The following COL25A1 variants were observed in gnomAD, a reference collection of about 807,000 sequenced individuals.
The protein encoded by COL25A1 is collagen type XXV alpha 1 chain, also known as collagen alpha-1(XXV) chain.
A neutral mutation model predicts 128.4 loss-of-function variants in COL25A1; 103 were observed. The ratio of observed to expected loss-of-function variants is 0.80; its 90% CI spans 0.68 to 0.94. The LOEUF is 0.94. COL25A1 is among the 40% of genes least tolerant of loss of function. The pLI is 0.00. For missense variants in COL25A1, 745 were observed against 840.0 expected, an observed-to-expected ratio of 0.89 and a Z score of 1.40; for synonymous variants, 279 against 277.2, an observed-to-expected ratio of 1.01 and a Z score of -0.06.
At chr4:108,834,163 C>T (rs935957342) in intron 31 of COL25A1, among the ~76,000 whole-genome samples, 1 of 152,172 alleles carries the variant, frequency 6.6e-6, no homozygotes, top group Admixed American at 6.6e-5. Context: ...AGCTGTTCTC[C>T]GGACAGAGTT....
In COL25A1 at chr4:108,832,435, TA is replaced by T. The variant is rs760493024; in HGVS notation, c.1657-3del. On this transcript the variant is annotated splice_region_variant and splice_polypyrimidine_tract_variant and intron_variant, in intron 31 of 37. Coordinates refer to ENST00000399132, the MANE Select transcript of COL25A1 (RefSeq NM_198721.4). Reference sequence around the variant, plus strand: ...GGGTCCCATAGGACCATCTGTACCCTAAAAAAAAGATAATATGAGATATATC... The same window carrying T: ...GGGTCCCATAGGACCATCTGTACCCTAAAAAAAGATAATATGAGATATATC... 9.6e-5 allele frequency: 152 copies of T among 1,586,440 alleles called. No individual in the cohort carries two copies. Among genetic ancestry groups the T allele is most frequent in the Admixed American group, 2.8e-4 (16 of 56,654 alleles).
chr4:109,175,858 TTTTCTAG>T (rs1473524362), intron 3 of COL25A1, among the ~76,000 whole-genome samples: 1 of 152,244 alleles, frequency 6.6e-6, no homozygotes, highest in Non-Finnish European at 1.5e-5. Flanking sequence ...GGTATTGGTA[TTTTCTAG>T]TTCATTTAAA....
rs139170639 is a variant in COL25A1, at chr4:109,221,097, A to G, written c.367+79486T>C. Among the ~76,000 whole-genome samples, 706 of 152,034 alleles carry G rather than the reference A, an allele frequency of 4.6e-3. 1 individual carries two copies. The highest frequency in any genetic ancestry group is 7.7e-3 in the Non-Finnish European group (526 of 67,954). On this transcript the variant is annotated intron_variant, in intron 3 of 37. Transcript: ENST00000399132. Reference sequence around the variant, plus strand: ...ATTTAGTACTTAATATGCATAAGATATTAATAATATGCATAAGATATTAAG... The same window carrying G: ...ATTTAGTACTTAATATGCATAAGATGTTAATAATATGCATAAGATATTAAG...
At chr4:109,047,900 T>A (rs1214612022) in intron 5 of COL25A1, among the ~76,000 whole-genome samples, 3 of 151,890 alleles carry the variant, frequency 2.0e-5, no homozygotes, top group Non-Finnish European at 4.4e-5. Flanking sequence ...GTCCAGCTAA[T>A]TTTTTGTATT....
intron 3 of COL25A1, among the ~76,000 whole-genome samples, chr4:109,136,770 TTGCA>T (rs1258504897): frequency 1.3e-5 from 2 of 152,266 alleles, no homozygotes; most frequent in Non-Finnish European, 2.9e-5. Context: ...TCGTCAGCCC[TTGCA>T]TGTGGATCAC....
At chr4:108,815,171 T>C (rs1037929444) in intron 37 of COL25A1, among the ~76,000 whole-genome samples, 2 of 152,182 alleles carry the variant, frequency 1.3e-5, no homozygotes, top group African/African-American at 2.4e-5. Context: ...GTTTTGCATA[T>C]ATAAATCATT....
chr4:109,218,134 T>C (rs913769861), intron 3 of COL25A1, among the ~76,000 whole-genome samples: 2 of 152,184 alleles, frequency 1.3e-5, no homozygotes, highest in African/African-American at 4.8e-5. Context: ...CTGACAGTAC[T>C]ATAAGTCATA....
intron 3 of COL25A1, among the ~76,000 whole-genome samples, chr4:109,289,341 A>G (rs1724234658): frequency 1.3e-5 from 2 of 152,128 alleles, no homozygotes; most frequent in African/African-American, 2.4e-5. Context: ...TGAACTGGTT[A>G]TAACACCTTA....
At chr4:109,056,962 C>T (rs572495505) in intron 3 of COL25A1, among the ~76,000 whole-genome samples, 12 of 152,158 alleles carry the variant, frequency 7.9e-5, no homozygotes, top group Non-Finnish European at 1.3e-4. Flanking sequence ...TGGGCTCAAG[C>T]GATCCTCCCA....
Position 108,922,767 on chromosome 4 carries a change from C to T in COL25A1, c.709-2163G>A, listed in dbSNP as rs1000449656. ...CTTTACTGTTAGGAAACTACTGCTA[C>T]GTCTGGTAACCTCTAAAAATAAAAG... On this transcript the variant is annotated intron_variant, in intron 11 of 37. Transcript: ENST00000399132. Among the ~76,000 whole-genome samples the T allele has an allele frequency of 3.0e-4, 45 of 152,110 alleles. 1 individual carries two copies. The highest frequency in any genetic ancestry group is 1.8e-4 in the Non-Finnish European group (12 of 68,024).
At chr4:108,966,354 C>T (rs1158256522) in intron 8 of COL25A1, among the ~76,000 whole-genome samples, 2 of 152,028 alleles carry the variant, frequency 1.3e-5, no homozygotes. Context: ...GCTTGTGTTC[C>T]CCAGCTTTTT....
chr4:108,874,874 C>A (rs62314576), intron 19 of COL25A1, among the ~76,000 whole-genome samples: 76,005 of 152,002 alleles, frequency 0.5, 21,026 homozygotes, highest in East Asian at 0.93. Flanking sequence ...TTACTTTAAT[C>A]CGTTTTTTTT....
chr4:109,212,962 T>G (rs895158437), intron 3 of COL25A1, among the ~76,000 whole-genome samples: 5 of 152,154 alleles, frequency 3.3e-5, no homozygotes, highest in African/African-American at 9.7e-5. Context: ...GAGAAATATT[T>G]GCTTTTCATA....
At chr4:108,874,696 GT>G (rs1161499723) in intron 19 of COL25A1, among the ~76,000 whole-genome samples, 1 of 152,102 alleles carries the variant, frequency 6.6e-6, no homozygotes, top group Non-Finnish European at 1.5e-5. Flanking sequence ...TTCTGAAAGT[GT>G]TTATCTTTAA....
chr4:109,042,771 C>T (rs989647483), intron 5 of COL25A1, among the ~76,000 whole-genome samples: 2 of 152,020 alleles, frequency 1.3e-5, no homozygotes, highest in African/African-American at 4.8e-5. Flanking sequence ...GTTTTCTTAA[C>T]TCAAGAGGCA....
At chr4:109,150,161 G>A (rs1425653041) in intron 3 of COL25A1, among the ~76,000 whole-genome samples, 1 of 152,004 alleles carries the variant, frequency 6.6e-6, no homozygotes, top group African/African-American at 2.4e-5. Flanking sequence ...GAACAAACTG[G>A]TTGCTATTAT....
intron 3 of COL25A1, among the ~76,000 whole-genome samples, chr4:109,054,489 C>A (rs1761280916): frequency 6.6e-6 from 1 of 152,084 alleles, no homozygotes; most frequent in Non-Finnish European, 1.5e-5. Context: ...CATTTCCGTG[C>A]TATATTACTG....
rs564834752 is a variant in COL25A1 at position 109,093,457 on chromosome 4, G to GAAAA, written c.368-43282_368-43279dup. On this transcript the variant is annotated intron_variant, in intron 3 of 37. Transcript: ENST00000399132. ...CAATACAGCAAGACTCCATCTCTAT[G>GAAAA]AAAAAAAAAAAAAAAAAAACCTTTT... is the stretch of plus-strand genomic sequence containing the variant. 8.7e-3 allele frequency among the ~76,000 whole-genome samples: 607 copies of GAAAA among 69,394 alleles called. 6 individuals carry two copies. The Middle Eastern group carries it at 0.094, about 11-fold the overall frequency. The allele number at this position is 69,394 out of a possible 152,430, so 45.5% of individuals were successfully genotyped here. A position where few individuals can be genotyped will look rare whatever the true frequency, so the allele number is the denominator to read the frequency against.
chr4:109,185,412 A>G (rs910454910), intron 3 of COL25A1, among the ~76,000 whole-genome samples: 6 of 152,214 alleles, frequency 3.9e-5, no homozygotes, highest in African/African-American at 1.4e-4. Context: ...GGAAGAGTAA[A>G]TAACTTCTCT....
Sources: gnomAD v4.1 joint callset for allele counts (sites outside exome capture counted in the v4.1 genomes callset) on GRCh38, gnomAD v4.1.1 for gene constraint, MANE v1.5 for transcripts, NCBI Gene and HGNC (gene_info 2026-07-23, HGNC 2026-07-21) for gene names.